Variants in COL19A1 observed in about 807,000 individuals in gnomAD.
COL19A1 encodes collagen type XIX alpha 1 chain.
COL19A1 carries 159 observed loss-of-function variants against 190.2 expected under a neutral mutation model. That is an observed-to-expected ratio of 0.84 (90% confidence interval 0.73 to 0.95). COL19A1 has a LOEUF of 0.95. Among genes scored for constraint, COL19A1 ranks in the 40% least tolerant of loss-of-function variants. The pLI is 0.00. For synonymous variants in COL19A1, 509 were observed against 458.9 expected (o/e 1.11, Z -1.39); for missense variants, 1,418 against 1,431.9 (o/e 0.99, Z 0.16).
At chr6:69,927,798 T>G in intron 4 of COL19A1, 111 bp from the exon 5 acceptor site, 1 of 1,359,214 alleles carries the variant, frequency 7.4e-7, no homozygotes, top group Non-Finnish European at 1.0e-6. Flanking sequence ...GTTACACATT[T>G]ACTGAGAAAA....
At chr6:70,057,557 G>T (rs1330571672) in intron 14 of COL19A1, among the ~76,000 whole-genome samples, 1 of 151,944 alleles carries the variant, frequency 6.6e-6, no homozygotes, top group Admixed American at 6.6e-5. Context: ...TCTATTTTTA[G>T]TAGTTAATGG....
chr6:69,967,239 A>T (rs562935883), intron 11 of COL19A1, among the ~76,000 whole-genome samples: 1 of 152,222 alleles, frequency 6.6e-6, no homozygotes, highest in Non-Finnish European at 1.5e-5. Context: ...ATATGGTGGC[A>T]GATTCTTACC....
chr6:70,082,389 A>G (rs1030444890), intron 15 of COL19A1, among the ~76,000 whole-genome samples: 2 of 152,212 alleles, frequency 1.3e-5, no homozygotes, highest in African/African-American at 4.8e-5. Flanking sequence ...TCATTAAAAC[A>G]AAATAATGAA....
chr6:70,021,651 C>T lies in COL19A1; in HGVS notation c.1027-1976C>T, dbSNP rs566166731. 6.6e-5 allele frequency among the ~76,000 whole-genome samples: 10 copies of T among 152,262 alleles called. 1 individual carries two copies. In the South Asian group the frequency reaches 1.9e-3, roughly 28 times the overall value. Reference sequence around the variant, plus strand: ...TTTTGCTTCCTGTCATATTTGACATCCTCTACAACAGCAATGTCCAATGGA... The same window carrying T: ...TTTTGCTTCCTGTCATATTTGACATTCTCTACAACAGCAATGTCCAATGGA... On this transcript the variant is annotated intron_variant, in intron 11 of 50. Coordinates refer to ENST00000620364, the MANE Select transcript of COL19A1 (RefSeq NM_001858.6).
chr6:69,880,590 TAAAG>T (rs1768470653), intron 2 of COL19A1, among the ~76,000 whole-genome samples: 8 of 152,224 alleles, frequency 5.3e-5, no homozygotes, highest in African/African-American at 1.7e-4. Context: ...TAATTACTCA[TAAAG>T]ATCTAACACA....
chr6:70,188,276 T>C (rs982645449), intron 47 of COL19A1, 31 bp downstream of exon 47: 2 of 1,557,494 alleles, frequency 1.3e-6, no homozygotes, highest in Non-Finnish European at 1.7e-6. Context: ...TTAGGGCTCC[T>C]GGCTTGTACC....
chr6:69,953,007 A>G (rs1249835222), intron 9 of COL19A1, among the ~76,000 whole-genome samples: 2 of 152,038 alleles, frequency 1.3e-5, no homozygotes, highest in Non-Finnish European at 2.9e-5. Context: ...CTTCCTCTCT[A>G]TATTTCTAGC....
At chr6:70,096,261 G>GT (rs892599397) in intron 15 of COL19A1, among the ~76,000 whole-genome samples, 2 of 116,146 alleles carry the variant, frequency 1.7e-5, no homozygotes, top group African/African-American at 7.0e-5. Flanking sequence ...GCTAATTTTT[G>GT]TATTTTTTTT....
At chr6:69,974,080 G>C (rs1195393818) in intron 11 of COL19A1, 1 of 151,884 alleles carries the variant, frequency 6.6e-6, no homozygotes, top group Non-Finnish European at 1.5e-5. Flanking sequence ...AAAAATCATT[G>C]GTTTTTATTT....
chr6:69,960,792 A>G (rs774327489), intron 10 of COL19A1, among the ~76,000 whole-genome samples: 1 of 151,728 alleles, frequency 6.6e-6, no homozygotes, highest in Non-Finnish European at 1.5e-5. Context: ...ACAGCCGGCT[A>G]ATTTTTTTTT....
chr6:70,094,128 T>A (rs2150178825), intron 15 of COL19A1, among the ~76,000 whole-genome samples: 1 of 152,320 alleles, frequency 6.6e-6, no homozygotes, highest in Non-Finnish European at 1.5e-5. Context: ...AAATAAAATG[T>A]ACTTAACATA....
intron 49 of COL19A1, among the ~76,000 whole-genome samples, chr6:70,200,794 G>GTA (rs1767501032): frequency 6.6e-6 from 1 of 152,106 alleles, no homozygotes; most frequent in African/African-American, 2.4e-5. Flanking sequence ...GTGCCTGTTA[G>GTA]TATATATATC....
At chr6:69,921,146 ATATGTATCACG>A (rs1771731697) in intron 4 of COL19A1, among the ~76,000 whole-genome samples, 2 of 127,352 alleles carry the variant, frequency 1.6e-5, no homozygotes, top group Non-Finnish European at 3.1e-5. Context: ...TATATATCAC[ATATGTATCACG>A]TATATATTCA....
chr6:70,036,830 C>T (rs565015277), intron 14 of COL19A1, among the ~76,000 whole-genome samples: 2 of 152,132 alleles, frequency 1.3e-5, no homozygotes, highest in South Asian at 2.1e-4. Flanking sequence ...GAATGGAGCC[C>T]TTCCCATAGG....
chr6:70,116,535 G>A (rs1207294219), intron 16 of COL19A1, among the ~76,000 whole-genome samples: 2 of 152,182 alleles, frequency 1.3e-5, no homozygotes, highest in African/African-American at 2.4e-5. Context: ...TGTATAATGT[G>A]TTATAGATGG....
At chr6:70,152,238 A>C (rs1055530761) in intron 31 of COL19A1, among the ~76,000 whole-genome samples, 1 of 152,144 alleles carries the variant, frequency 6.6e-6, no homozygotes, top group African/African-American at 2.4e-5. Flanking sequence ...GTGTACACAC[A>C]CACACGCACA....
chr6:70,203,425 AT>A, intron 49 of COL19A1, among the ~76,000 whole-genome samples: 1 of 152,184 alleles, frequency 6.6e-6, no homozygotes, highest in East Asian at 1.9e-4. Context: ...GACCTTTCAA[AT>A]TTAGTAGCAT....
intron 4 of COL19A1, among the ~76,000 whole-genome samples, chr6:69,920,509 C>T (rs1010933889): frequency 2.6e-5 from 4 of 152,278 alleles, no homozygotes; most frequent in Middle Eastern, 3.4e-3. Context: ...AGCTGGCTCC[C>T]TCCCTCAGAG....
chr6:70,168,284 A>G lies in COL19A1; in HGVS notation c.2541+69A>G, dbSNP rs73746888. The G allele has an allele frequency of 4.9e-4, 748 of 1,522,556 alleles. 6 individuals carry two copies. The African/African-American group carries it at 7.6e-3, about 16-fold the overall frequency. The allele number at this position is 1,522,556 out of a possible 1,614,324, so 94.3% of individuals were successfully genotyped here. ...CCACAATGAAAAACAAACAATAAAA[A>G]CCTCTTAAGTTCACTGAAAAACGCA... On this transcript the variant is annotated intron_variant, in intron 39 of 50. Coordinates refer to ENST00000620364, the MANE Select transcript of COL19A1 (RefSeq NM_001858.6).
Sources: gnomAD v4.1 joint callset for allele counts (sites outside exome capture counted in the v4.1 genomes callset) on GRCh38, gnomAD v4.1.1 for gene constraint, MANE v1.5 for transcripts, NCBI Gene and HGNC (gene_info 2026-07-23, HGNC 2026-07-21) for gene names.